The following PLEKHG6 variants were observed in gnomAD, a reference collection of about 807,000 sequenced individuals.
PLEKHG6 encodes pleckstrin homology domain-containing family G member 6.
Under a neutral mutation model 97.5 loss-of-function variants are expected in PLEKHG6, and 91 were observed. The ratio of observed to expected loss-of-function variants is 0.93; its 90% CI spans 0.79 to 1.11. The LOEUF is 1.11. Ranked by LOEUF, PLEKHG6 falls within the 50% of genes most tolerant of loss-of-function variation. PLEKHG6 has a pLI of 0.00. For missense variants in PLEKHG6, 1,044 were observed against 1,031.0 expected, an observed-to-expected ratio of 1.01 and a Z score of -0.17; for synonymous variants, 466 against 425.5, an observed-to-expected ratio of 1.10 and a Z score of -1.17.
chr12:6,324,199 G>C (rs893609881), intron 13 of PLEKHG6, among the ~76,000 whole-genome samples: 1 of 152,088 alleles, frequency 6.6e-6, no homozygotes, highest in African/African-American at 2.4e-5. Flanking sequence ...TTGCTGGAGA[G>C]GCTTTGGGCT....
rs957847973 is a variant in PLEKHG6, at chr12:6,317,952, G to C, written c.1113G>C (p.Gly371=). The C allele has an allele frequency of 3.2e-6, 5 of 1,584,468 alleles. No homozygotes were observed. The highest frequency in any genetic ancestry group is 4.3e-6 in the Non-Finnish European group (5 of 1,165,600). ...ESLAAAAQRI[G]PYEVLEPPSD... The stretch of plus-strand genomic sequence containing the variant: ...TGGCGGCTGCAGCACAACGCATCGG[G>C]CCCTACGAGGTGCTGGAGCCACCCA... Residue 371 remains glycine, a synonymous_variant, in exon 10 of 16, where the codon GGG becomes GGC. Coordinates refer to ENST00000684764, the MANE Select transcript of PLEKHG6 (RefSeq NM_001384598.1).
At chr12:6,313,341 T>C (rs1947338805) in intron 2 of PLEKHG6, among the ~76,000 whole-genome samples, 2 of 152,152 alleles carry the variant, frequency 1.3e-5, no homozygotes, top group African/African-American at 4.8e-5. Context: ...AGCCCAGGCA[T>C]GTGTGTGCTG....
chr12:6,319,714 TC>T (rs1217170229), intron 13 of PLEKHG6: 1 of 1,517,680 alleles, frequency 6.6e-7, no homozygotes, highest in Non-Finnish European at 8.8e-7. Context: ...GAAGTCATCT[TC>T]CATTCGCAGA....
chr12:6,314,557 A>T (rs1947386660), intron 3 of PLEKHG6, among the ~76,000 whole-genome samples: 1 of 152,154 alleles, frequency 6.6e-6, no homozygotes, highest in Non-Finnish European at 1.5e-5. Flanking sequence ...GCTGCTTCAT[A>T]AAAAATGCCA....
At position 6,315,043 on chromosome 12, in the gene PLEKHG6, C is replaced by A. The variant is rs963547032; in HGVS notation, c.333C>A (p.His111Gln). 2.5e-6 allele frequency: 4 copies of A among 1,613,840 alleles called. No homozygotes were observed. Among genetic ancestry groups the A allele is most frequent in the East Asian group, 2.2e-5 (1 of 44,892 alleles). Residue 111 changes from histidine to glutamine, a missense_variant, in exon 4 of 16, where the codon CAC becomes CAA. His to Gln is a conservative substitution (Grantham distance 24). Transcript: ENST00000684764. This position sits in a 1 kb window ranked among gnomAD's most constrained non-coding sequence, Gnocchi z 4.5. ...TKAHELEVRL[H>Q]TFSMFGMPRL... Reference sequence around the variant, plus strand: ...CCCATGAGCTGGAGGTGAGGCTGCACACTTTCAGCATGTTTGGGATGCCCC... The same window carrying A: ...CCCATGAGCTGGAGGTGAGGCTGCAAACTTTCAGCATGTTTGGGATGCCCC...
intron 2 of PLEKHG6, 38 bp from the exon 3 acceptor site, chr12:6,313,591 G>A: frequency 6.2e-7 from 1 of 1,610,694 alleles, no homozygotes; most frequent in Non-Finnish European, 8.5e-7. Flanking sequence ...TCTGGGGAAA[G>A]GGAGGCACCC....
intron 10 of PLEKHG6, 38 bp downstream of exon 10, chr12:6,318,032 G>A: frequency 3.2e-6 from 5 of 1,553,474 alleles, no homozygotes; most frequent in South Asian, 1.2e-5. Flanking sequence ...GAAAAGCAAG[G>A]TCCCAGGGAT....
Position 6,316,411 on chromosome 12 carries a change from C to T in PLEKHG6, c.756+7C>T, listed in dbSNP as rs112397379. 6,261 of 1,566,328 alleles carry T rather than the reference C, an allele frequency of 4.0e-3. 32 individuals carry two copies. The highest frequency in any genetic ancestry group is 3.8e-3 in the Non-Finnish European group (4,398 of 1,154,922). ...GCAAAGTGGCTTCCTGACGGTGAGG[C>T]CTGTGAAGGGCTGTGTCTGGATGGG... On this transcript the variant is annotated splice_region_variant and intron_variant, in intron 7 of 15. Transcript: ENST00000684764. The surrounding 1 kb of genome is among the most constrained non-coding windows in gnomAD (Gnocchi z 4.1).
At chr12:6,326,960 G>T (rs984315431) in intron 14 of PLEKHG6, among the ~76,000 whole-genome samples, 2 of 152,040 alleles carry the variant, frequency 1.3e-5, no homozygotes, top group Non-Finnish European at 2.9e-5. Flanking sequence ...AAGAAGAATC[G>T]ATCATTGAGG....
intron 2 of PLEKHG6, chr12:6,312,670 G>T: frequency 1.7e-6 from 2 of 1,192,230 alleles, no homozygotes; most frequent in Non-Finnish European, 2.1e-6. Context: ...CAGAGCTGGC[G>T]CCTCCCAGGC....
chr12:6,316,185 C>A lies in PLEKHG6; in HGVS notation c.607-70C>A. On this transcript the variant is annotated intron_variant, in intron 6 of 15. Coordinates refer to ENST00000684764, the MANE Select transcript of PLEKHG6 (RefSeq NM_001384598.1). This position sits in a 1 kb window ranked among gnomAD's most constrained non-coding sequence, Gnocchi z 4.1. ...TGCTGTCCAAGCTTAAGGTCCTCAC[C>A]TTTCCTCAGCCAGTGCCACCCCTGG... The A allele has an allele frequency of 6.9e-7, 1 of 1,442,822 alleles. No homozygotes were observed. Among genetic ancestry groups the A allele is most frequent in the Non-Finnish European group, 9.3e-7 (1 of 1,077,578 alleles). 89.4% of individuals were successfully genotyped at this position (1,442,822 alleles called of 1,614,324 possible).
chr12:6,311,506 G>T (rs1947266556), intron 1 of PLEKHG6, among the ~76,000 whole-genome samples: 1 of 152,194 alleles, frequency 6.6e-6, no homozygotes, highest in African/African-American at 2.4e-5. Flanking sequence ...CAACTAGCAA[G>T]AAGCAGTCAC....
At chr12:6,323,722 C>T (rs913882346) in intron 13 of PLEKHG6, among the ~76,000 whole-genome samples, 1 of 152,238 alleles carries the variant, frequency 6.6e-6, no homozygotes, top group Non-Finnish European at 1.5e-5. Flanking sequence ...AGTTACTTCA[C>T]CTCTTGGGGA....
chr12:6,318,962 T>C (rs771845270), intron 12 of PLEKHG6, 31 bp from the exon 13 acceptor site: 4 of 1,611,944 alleles, frequency 2.5e-6, no homozygotes. Context: ...AAATAAAGGC[T>C]GGCCTCTTGA....
chr12:6,316,245 C>G lies in PLEKHG6; in HGVS notation c.607-10C>G, dbSNP rs2136737968. ...AAAAGTGTGCTGCTCAGCTCTGCTCCCTCCTCCAGGTGTCAGCTGAGACCC... is the reference window on the plus strand; with the variant it reads ...AAAAGTGTGCTGCTCAGCTCTGCTCGCTCCTCCAGGTGTCAGCTGAGACCC... On this transcript the variant is annotated splice_polypyrimidine_tract_variant and intron_variant, in intron 6 of 15. Transcript: ENST00000684764. This position sits in a 1 kb window ranked among gnomAD's most constrained non-coding sequence, Gnocchi z 4.1. 6.5e-7 allele frequency: 1 copy of G among 1,547,956 alleles called. No homozygotes were observed. Among genetic ancestry groups the G allele is most frequent in the East Asian group, 2.4e-5 (1 of 41,448 alleles).
At chr12:6,328,000 G>A in intron 15 of PLEKHG6, 54 bp downstream of exon 15, 1 of 1,501,942 alleles carries the variant, frequency 6.7e-7, no homozygotes, top group South Asian at 1.2e-5. Flanking sequence ...ATGTCTGTAT[G>A]GTGGTGGGGT....
At chr12:6,312,921 A>G (rs1222721760) in intron 2 of PLEKHG6, 1 of 1,390,744 alleles carries the variant, frequency 7.2e-7, no homozygotes, top group Non-Finnish European at 9.4e-7. Context: ...CTCCACCTTG[A>G]GGACAGTTCT....
rs761130148 is a variant in PLEKHG6, at chr12:6,327,424, G to C, written c.1841G>C (p.Arg614Pro). 18 of 1,614,000 alleles carry C rather than the reference G, an allele frequency of 1.1e-5. No individual in the cohort carries two copies. Among genetic ancestry groups the C allele is most frequent in the Admixed American group, 3.3e-5 (2 of 60,002 alleles). ...AGCCGTCTACGCCAAAGAGCCCTTCGGCGGGACCCTCGCCTCACCTTCTCC... is the reference window on the plus strand; with the variant it reads ...AGCCGTCTACGCCAAAGAGCCCTTCCGCGGGACCCTCGCCTCACCTTCTCC... ...PLSRLRQRAL[R>P]RDPRLTFSTL... Residue 614 changes from arginine to proline, a missense_variant, in exon 15 of 16, where the codon CGG becomes CCG. Coordinates refer to ENST00000684764, the MANE Select transcript of PLEKHG6 (RefSeq NM_001384598.1).
chr12:6,327,484 A>ACCCCCCCCCCCCCCC lies in PLEKHG6; in HGVS notation c.1904_1905insCCCCCCCCCCCCCCC (p.Pro636_Asp637insProProProProPro). ...CTCCGGGACATCCCTCTGCGTCCCC[A>ACCCCCCCCCCCCCCC]CCCTCCCGACCCCCAAGCTCCTCAA... On this transcript the variant is annotated inframe_insertion, in exon 15 of 16. Transcript: ENST00000684764. The ACCCCCCCCCCCCCCC allele has an allele frequency of 3.0e-6, 1 of 333,536 alleles. No individual in the cohort carries two copies. 20.7% of individuals were successfully genotyped at this position (333,536 alleles called of 1,614,324 possible). A position where few individuals can be genotyped will look rare whatever the true frequency, so the allele number is the denominator to read the frequency against.
Sources: allele counts gnomAD v4.1 joint callset (sites outside exome capture counted in the v4.1 genomes callset), GRCh38; gene constraint gnomAD v4.1.1; non-coding constraint Gnocchi (gnomAD v3.1); transcripts MANE v1.5; gene names NCBI Gene and HGNC (gene_info 2026-07-23, HGNC 2026-07-21).